Variants in TRIO observed in about 807,000 individuals in gnomAD.
TRIO encodes the protein trio Rho guanine nucleotide exchange factor.
A neutral mutation model predicts 351.9 loss-of-function variants in TRIO; 58 were observed. The ratio of observed to expected loss-of-function variants is 0.16; its 90% CI spans 0.13 to 0.21. The LOEUF is 0.21. Ranked by LOEUF, TRIO falls within the 10% of genes least tolerant of loss-of-function variation. The pLI, the probability that TRIO is intolerant of heterozygous loss-of-function variation, is 1.00. For synonymous variants in TRIO, 1,758 were observed against 1,595.7 expected, an observed-to-expected ratio of 1.10 and a Z score of -2.42; for missense variants, 3,201 against 4,027.8, an observed-to-expected ratio of 0.79 and a Z score of 5.56.
chr5:14,225,903 T>A (rs61011080), intron 1 of TRIO, among the ~76,000 whole-genome samples: 5,180 of 150,076 alleles, frequency 0.035, 299 homozygotes, highest in African/African-American at 0.12. Flanking sequence ...TGTTAGATAC[T>A]TGCAGGTTGA....
chr5:14,457,373 TCCCCCCCCCCCCCCG>T (rs1221005493), intron 34 of TRIO, among the ~76,000 whole-genome samples: 4 of 48,926 alleles, frequency 8.2e-5, no homozygotes, highest in East Asian at 1.0e-3. Flanking sequence ...AGCCCTGACC[TCCCCCCCCCCCCCCG>T]CCCCGCCCCC....
intron 9 of TRIO, among the ~76,000 whole-genome samples, chr5:14,319,336 G>A (rs1189985965): frequency 6.6e-6 from 1 of 152,318 alleles, no homozygotes; most frequent in South Asian, 2.1e-4. Context: ...GACTTGTGAG[G>A]TAAAGAGTGA....
At chr5:14,359,701 A>G (rs1028724894) in intron 13 of TRIO, among the ~76,000 whole-genome samples, 170 bp downstream of exon 13, 6 of 152,102 alleles carry the variant, frequency 3.9e-5, no homozygotes, top group Non-Finnish European at 8.8e-5. Flanking sequence ...GGAGGCTGGA[A>G]TTGGATCATC....
At chr5:14,147,820 C>T (rs761366937) in intron 1 of TRIO, among the ~76,000 whole-genome samples, 7 of 152,176 alleles carry the variant, frequency 4.6e-5, no homozygotes, top group Non-Finnish European at 8.8e-5. Context: ...TATTGAGAAG[C>T]CTGGCAGCTT....
At position 14,504,592 on chromosome 5, in the gene TRIO, A is replaced by G; in HGVS notation, c.8611A>G (p.Met2871Val). Reference sequence around the variant, plus strand: ...CACCAGCTACATCCTGGTCTTAGAAATGTGCGTACACACCTGGCCTTCCCT... The same window carrying G: ...CACCAGCTACATCCTGGTCTTAGAAGTGTGCGTACACACCTGGCCTTCCCT... Reference protein sequence around the residue: ...TPTSYILVLEMADQGRLLDCV... With the variant: ...TPTSYILVLEVADQGRLLDCV... Residue 2871 changes from methionine (M) to valine (V), a missense_variant and splice_region_variant, in exon 55 of 57, where the codon ATG becomes GTG. Met to Val is a conservative substitution (Grantham distance 21). This residue lies in a region of TRIO where 1,089 missense variants were observed against 954.9 expected (regional missense o/e 1.14). Coordinates refer to ENST00000344204, the MANE Select transcript of TRIO (RefSeq NM_007118.4). 1.2e-6 allele frequency: 2 copies of G among 1,613,858 alleles called. No homozygotes were observed. Among genetic ancestry groups the G allele is most frequent in the Non-Finnish European group, 1.7e-6 (2 of 1,179,972 alleles).
intron 1 of TRIO, among the ~76,000 whole-genome samples, chr5:14,144,305 C>G (rs1037751034): frequency 6.6e-6 from 1 of 152,144 alleles, no homozygotes; most frequent in African/African-American, 2.4e-5. Flanking sequence ...TGAGCCGGGG[C>G]CGGTCCGGGA....
At chr5:14,181,949 G>T (rs755113168) in intron 1 of TRIO, among the ~76,000 whole-genome samples, 11 of 152,086 alleles carry the variant, frequency 7.2e-5, no homozygotes, top group Non-Finnish European at 1.3e-4. Flanking sequence ...AGAATATTCA[G>T]TCCTCTGTTT....
At chr5:14,435,432 C>T (rs774855287) in intron 34 of TRIO, among the ~76,000 whole-genome samples, 99 of 152,252 alleles carry the variant, frequency 6.5e-4, no homozygotes, top group East Asian at 7.7e-4. Flanking sequence ...TGCAGCATTT[C>T]CCCCACTGTA....
At chr5:14,360,431 G>A (rs183975843) in intron 13 of TRIO, among the ~76,000 whole-genome samples, 65 of 152,310 alleles carry the variant, frequency 4.3e-4, no homozygotes, top group Admixed American at 3.4e-3. Flanking sequence ...GAGTCTAGCC[G>A]CTTCTTACAG....
At chr5:14,371,224 G>A (rs1745074677) in intron 18 of TRIO, among the ~76,000 whole-genome samples, 1 of 152,152 alleles carries the variant, frequency 6.6e-6, no homozygotes, top group African/African-American at 2.4e-5. Flanking sequence ...ACTCATTTTT[G>A]ACTTACGATT....
intron 34 of TRIO, among the ~76,000 whole-genome samples, chr5:14,457,043 C>A (rs1381737828): frequency 6.6e-6 from 1 of 152,040 alleles, no homozygotes; most frequent in South Asian, 2.1e-4. Context: ...TTTTCCCCAC[C>A]AGAGAGAGTC....
intron 1 of TRIO, among the ~76,000 whole-genome samples, chr5:14,250,816 A>G (rs372384609): frequency 7.9e-5 from 12 of 152,222 alleles, no homozygotes; most frequent in African/African-American, 2.7e-4. Flanking sequence ...AATAGCTGCC[A>G]TGAATTGTGC....
intron 1 of TRIO, among the ~76,000 whole-genome samples, chr5:14,182,875 C>A (rs962893947): frequency 1.3e-4 from 19 of 148,194 alleles, no homozygotes; most frequent in African/African-American, 2.2e-4. Flanking sequence ...CCCCCCCCTC[C>A]ACTTTGCCGT....
At chr5:14,396,666 TA>T (rs758453199) in intron 28 of TRIO, among the ~76,000 whole-genome samples, 13 of 150,920 alleles carry the variant, frequency 8.6e-5, no homozygotes, top group Non-Finnish European at 1.5e-4. Context: ...GATGGAGTTT[TA>T]CCATGTTGGC....
rs372569869 is a variant in TRIO, at chr5:14,317,124, C to T, written c.1731+381C>T. ...ACAGTGAGGTGGTCATGCTTCACTT[C>T]CCACGTGGTAGGTAGTGCAGTCCAT... On this transcript the variant is annotated intron_variant, in intron 9 of 56. Coordinates refer to ENST00000344204, the MANE Select transcript of TRIO (RefSeq NM_007118.4). 4.5e-4 allele frequency among the ~76,000 whole-genome samples: 69 copies of T among 152,276 alleles called. No homozygotes were observed. The South Asian group carries it at 0.013, about 29-fold the overall frequency.
Position 14,184,024 on chromosome 5 carries a change from A to T in TRIO, c.157+40142A>T, listed in dbSNP as rs16903265. On this transcript the variant is annotated intron_variant, in intron 1 of 56. Coordinates refer to ENST00000344204, the MANE Select transcript of TRIO (RefSeq NM_007118.4). ...TTTTGGCTCTCTGATGTGTGGCTCG[A>T]GGGTTTCTCTAGGAGGACTGTTGAT... 7,611 of 694,122 alleles carry T rather than the reference A, an allele frequency of 0.011. 393 individuals carry two copies. The African/African-American group carries it at 0.12, about 11-fold the overall frequency. 43.0% of individuals were successfully genotyped at this position (694,122 alleles called of 1,614,324 possible).
At chr5:14,188,920 T>G (rs1184218564) in intron 1 of TRIO, among the ~76,000 whole-genome samples, 1 of 152,212 alleles carries the variant, frequency 6.6e-6, no homozygotes, top group Non-Finnish European at 1.5e-5. Context: ...GCCCATACAC[T>G]TGTGTGCACA....
chr5:14,381,391 CCTT>C, intron 21 of TRIO, 139 bp downstream of exon 21: 1 of 1,108,934 alleles, frequency 9.0e-7, no homozygotes, highest in Non-Finnish European at 1.2e-6. Flanking sequence ...GATGCTTCCT[CCTT>C]CCGTTCACGT....
chr5:14,444,704 C>G (rs940029270), intron 34 of TRIO, among the ~76,000 whole-genome samples: 3 of 152,148 alleles, frequency 2.0e-5, no homozygotes, highest in African/African-American at 7.2e-5. Context: ...TAATTTTGTT[C>G]CCTTGCTTCC....
Sources: allele counts gnomAD v4.1 joint callset (sites outside exome capture counted in the v4.1 genomes callset), GRCh38; gene constraint gnomAD v4.1.1; regional missense constraint gnomAD v4.1.1; transcripts MANE v1.5; gene names NCBI Gene and HGNC (gene_info 2026-07-23, HGNC 2026-07-21).